Variants in EFCAB7 observed in about 807,000 individuals in gnomAD.
EFCAB7 encodes the protein EF-hand calcium binding domain 7.
A neutral mutation model predicts 77.1 loss-of-function variants in EFCAB7; 66 were observed. That is an observed-to-expected ratio of 0.86 (90% CI 0.70 to 1.05). EFCAB7 has a LOEUF of 1.05. Ranked by LOEUF, EFCAB7 falls within the 50% of genes least tolerant of loss-of-function variation. The probability of loss-of-function intolerance (pLI) is 0.00; values close to 1 mark genes in which losing one functional copy is unlikely to be tolerated. For missense variants in EFCAB7, 638 were observed against 730.5 expected, an observed-to-expected ratio of 0.87 and a Z score of 1.46; for synonymous variants, 225 against 243.3, an observed-to-expected ratio of 0.92 and a Z score of 0.70.
intron 6 of EFCAB7, among the ~76,000 whole-genome samples, chr1:63,544,121 C>T (rs1403491471): frequency 6.6e-6 from 1 of 151,682 alleles, no homozygotes; most frequent in East Asian, 2.0e-4. Flanking sequence ...AGGTGTGCGC[C>T]ACCACGCCCA....
chr1:63,577,605 ACTAGG>A (rs959829855), downstream of EFCAB7, among the ~76,000 whole-genome samples: 1 of 152,238 alleles, frequency 6.6e-6, no homozygotes, highest in African/African-American at 2.4e-5. Context: ...ATAGGAGTAG[ACTAGG>A]CTAGGGAATA....
At chr1:63,575,357 A>G (rs906290151), downstream of EFCAB7, among the ~76,000 whole-genome samples, 1 of 152,088 alleles carries the variant, frequency 6.6e-6, no homozygotes, top group Non-Finnish European at 1.5e-5. Flanking sequence ...TAGGTTAAAT[A>G]TGAAGCAGAA....
chr1:63,542,836 T>C (rs1646845929), intron 6 of EFCAB7, among the ~76,000 whole-genome samples: 1 of 152,188 alleles, frequency 6.6e-6, no homozygotes, highest in Non-Finnish European at 1.5e-5. Context: ...TTGTAGGAGT[T>C]CTTTATATGC....
intron 7 of EFCAB7, chr1:63,549,244 A>G (rs756387118): frequency 2.8e-5 from 12 of 429,916 alleles, no homozygotes; most frequent in Non-Finnish European, 5.6e-5. Flanking sequence ...TAATGATAGA[A>G]TGAAGACCAT....
At chr1:63,563,956 GCCC>G (rs747708589) in intron 11 of EFCAB7, among the ~76,000 whole-genome samples, 1 of 151,874 alleles carries the variant, frequency 6.6e-6, no homozygotes, top group Non-Finnish European at 1.5e-5. Context: ...GTTTAGTTTT[GCCC>G]CCCTTTTTTT....
Position 63,557,206 on chromosome 1 carries a change from G to C in EFCAB7, c.1307G>C (p.Ser436Thr). 1 of 1,610,424 alleles carries C rather than the reference G, an allele frequency of 6.2e-7. No individual in the cohort carries two copies. The highest frequency in any genetic ancestry group is 8.5e-7 in the Non-Finnish European group (1 of 1,179,200). Residue 436 changes from serine (S) to threonine (T), a missense_variant, in exon 10 of 14, where the codon AGT becomes ACT. Ser to Thr is a moderately conservative substitution (Grantham distance 58). Transcript: ENST00000371088. ...EEYNFFELRT[S>T]GEKCDEDAWA... is the part of the protein sequence containing the mutation. ...TATAATTTTTTTGAATTGAGAACAA[G>C]TGGTGAGAAATGTGATGAAGATGCT...
At chr1:63,549,136 T>C (rs1220770420) in intron 7 of EFCAB7, 4 of 294,006 alleles carry the variant, frequency 1.4e-5, no homozygotes, top group Non-Finnish European at 2.8e-5. Context: ...GCAGTCGGTT[T>C]TGACCTGTAG....
At chr1:63,546,888 G>A (rs991329235) in intron 7 of EFCAB7, among the ~76,000 whole-genome samples, 6 of 152,074 alleles carry the variant, frequency 3.9e-5, no homozygotes, top group Admixed American at 3.9e-4. Context: ...CTTTTCTAGT[G>A]TCTAAAATGG....
At chr1:63,559,649 G>A (rs1647071732) in intron 10 of EFCAB7, among the ~76,000 whole-genome samples, 1 of 151,916 alleles carries the variant, frequency 6.6e-6, no homozygotes, top group African/African-American at 2.4e-5. Flanking sequence ...TTTTTGTTGA[G>A]ATGAGTTTCA....
downstream of EFCAB7, among the ~76,000 whole-genome samples, chr1:63,576,714 TAATC>T (rs905957146): frequency 4.0e-5 from 6 of 150,554 alleles, no homozygotes; most frequent in Non-Finnish European, 5.9e-5. Flanking sequence ...GCATCTGTAA[TAATC>T]CCAGCTACTC....
chr1:63,527,421 T>C (rs972998499), intron 2 of EFCAB7, among the ~76,000 whole-genome samples: 3 of 110,542 alleles, frequency 2.7e-5, no homozygotes, highest in African/African-American at 4.0e-5. Flanking sequence ...ACACCTTTCA[T>C]CTATATCCTT....
Position 63,525,717 on chromosome 1 carries a change from A to C in EFCAB7, c.145A>C (p.Ser49Arg), listed in dbSNP as rs756829642. 6.3e-7 allele frequency: 1 copy of C among 1,583,308 alleles called. No individual in the cohort carries two copies. Among genetic ancestry groups the C allele is most frequent in the Non-Finnish European group, 8.5e-7 (1 of 1,173,084 alleles). Residue 49 changes from serine to arginine, a missense_variant, in exon 2 of 14, where the codon AGC becomes CGC. Transcript: ENST00000371088. Reference sequence around the variant, plus strand: ...AGCTGCCTACTTAACTGTCTTCAAAAGCAGCTTGGAAAACATTATTTCTAA... The same window carrying C: ...AGCTGCCTACTTAACTGTCTTCAAACGCAGCTTGGAAAACATTATTTCTAA... ...CRAAYLTVFK[S>R]SLENIISKDQ...
intron 2 of EFCAB7, among the ~76,000 whole-genome samples, chr1:63,530,384 T>G (rs1646675051): frequency 6.6e-6 from 1 of 152,230 alleles, no homozygotes. Flanking sequence ...TTGTATCTTT[T>G]AAAATTATGT....
intron 11 of EFCAB7, among the ~76,000 whole-genome samples, chr1:63,566,787 C>A (rs1442648825): frequency 6.6e-6 from 1 of 151,084 alleles, no homozygotes; most frequent in Non-Finnish European, 1.5e-5. Flanking sequence ...ATTTTTCATT[C>A]TACTATTTCT....
At chr1:63,524,879 A>G (rs1646556531) in intron 1 of EFCAB7, among the ~76,000 whole-genome samples, 1 of 152,222 alleles carries the variant, frequency 6.6e-6, no homozygotes, top group Non-Finnish European at 1.5e-5. Context: ...TCTTATGTAC[A>G]GAGGTGCTAT....
chr1:63,533,679 G>C, intron 5 of EFCAB7, 30 bp downstream of exon 5: 1 of 1,469,542 alleles, frequency 6.8e-7, no homozygotes, highest in Non-Finnish European at 9.2e-7. Context: ...AGAATTTCTT[G>C]ATCAGAAATG....
chr1:63,577,420 G>A (rs139597430), downstream of EFCAB7, among the ~76,000 whole-genome samples: 2,192 of 152,224 alleles, frequency 0.014, 48 homozygotes, highest in African/African-American at 0.05. Flanking sequence ...ATGTCAGCAT[G>A]TTATGAAAAT....
intron 2 of EFCAB7, among the ~76,000 whole-genome samples, chr1:63,527,585 T>G (rs1180880708): frequency 2.0e-5 from 3 of 152,144 alleles, no homozygotes; most frequent in Non-Finnish European, 2.9e-5. Context: ...CATATCATGG[T>G]GTCAAAATTT....
At chr1:63,566,711 T>A (rs1261580323) in intron 11 of EFCAB7, among the ~76,000 whole-genome samples, 1 of 151,772 alleles carries the variant, frequency 6.6e-6, no homozygotes, top group African/African-American at 2.4e-5. Context: ...AAATAATCTT[T>A]AAAAATTTTT....
Sources: gnomAD v4.1 joint callset for allele counts (sites outside exome capture counted in the v4.1 genomes callset) on GRCh38, gnomAD v4.1.1 for gene constraint, MANE v1.5 for transcripts, NCBI Gene and HGNC (gene_info 2026-07-23, HGNC 2026-07-21) for gene names.